Variants in SLC2A7 observed in about 807,000 individuals in gnomAD.
The protein encoded by SLC2A7 is solute carrier family 2, facilitated glucose transporter member 7.
A neutral mutation model predicts 50.5 loss-of-function variants in SLC2A7; 50 were observed. The observed-to-expected ratio is 0.99, with a 90% CI of 0.79 to 1.25. SLC2A7 has a LOEUF of 1.25. Among genes scored for constraint, SLC2A7 ranks in the 50% most tolerant of loss-of-function variants. The probability of loss-of-function intolerance (pLI) is 0.00; values close to 1 mark genes in which losing one functional copy is unlikely to be tolerated. For missense variants in SLC2A7, 683 were observed against 679.1 expected, an observed-to-expected ratio of 1.01 and a Z score of -0.06; for synonymous variants, 308 against 300.4, an observed-to-expected ratio of 1.03 and a Z score of -0.26.
Position 9,008,741 on chromosome 1 carries a change from C to CGT in SLC2A7, c.1117-1357_1117-1356insAC, listed in dbSNP as rs1640697117. 2.0e-5 allele frequency among the ~76,000 whole-genome samples: 3 copies of CGT among 151,880 alleles called. No individual in the cohort carries two copies. Among genetic ancestry groups the CGT allele is most frequent in the Non-Finnish European group, 4.4e-5 (3 of 67,968 alleles). On this transcript the variant is annotated intron_variant, in intron 9 of 11. Transcript: ENST00000400906. The surrounding 1 kb of genome is among the most constrained non-coding windows in gnomAD (Gnocchi z 5.9). Reference sequence around the variant, plus strand: ...CCTCCCGAGTAACTGGGATTACAGGCACACGCCACCACACCCGACTAAATT... The same window carrying CGT: ...CCTCCCGAGTAACTGGGATTACAGGCGTACACGCCACCACACCCGACTAAATT...
chr1:9,018,501 C>T lies in SLC2A7; in HGVS notation c.437-126G>A, dbSNP rs540968308. 2.5e-4 allele frequency: 336 copies of T among 1,320,626 alleles called. 1 individual carries two copies. In the South Asian group the frequency reaches 3.9e-3, roughly 15 times the overall value. 81.8% of individuals were successfully genotyped at this position (1,320,626 alleles called of 1,614,324 possible). A position where few individuals can be genotyped will look rare whatever the true frequency, so the allele number is the denominator to read the frequency against. ...TCAGCCCCTCCGTGGAGATGGAGCT[C>T]GGCCAACCTCGACTGTTTAGTTTGG... On this transcript the variant is annotated intron_variant, in intron 4 of 11. Transcript: ENST00000400906.
rs188746230 is a variant in SLC2A7 at position 9,022,646 on chromosome 1, A to G, written c.311+272T>C. Among the ~76,000 whole-genome samples, 5 of 149,086 alleles carry G rather than the reference A, an allele frequency of 3.4e-5. No homozygotes were observed. In the East Asian group the frequency reaches 1.0e-3, roughly 30 times the overall value. ...GAAGTGCTTACAAGGCACTAAGCTA[A>G]GCACCGTCAAGAACCTTGATCTCAA... On this transcript the variant is annotated intron_variant, in intron 3 of 11. Transcript: ENST00000400906.
intron 11 of SLC2A7, 54 bp from the exon 12 acceptor site, chr1:9,003,572 A>C: frequency 6.5e-7 from 1 of 1,534,322 alleles, no homozygotes; most frequent in Admixed American, 1.7e-5. Context: ...AACAGTGCTG[A>C]TTCAGCTGAG....
chr1:9,018,401 G>C, intron 4 of SLC2A7, 26 bp from the exon 5 acceptor site: 3 of 1,613,018 alleles, frequency 1.9e-6, no homozygotes, highest in Non-Finnish European at 2.5e-6. Flanking sequence ...CAGAAATCAG[G>C]GCAGGCAAAC....
In SLC2A7 at chr1:9,008,441, C is replaced by T. The variant is rs1314730560; in HGVS notation, c.1117-1056G>A. Among the ~76,000 whole-genome samples, 1 of 152,182 alleles carries T rather than the reference C, an allele frequency of 6.6e-6. No homozygotes were observed. Among genetic ancestry groups the T allele is most frequent in the African/African-American group, 2.4e-5 (1 of 41,438 alleles). On this transcript the variant is annotated intron_variant, in intron 9 of 11. Transcript: ENST00000400906. This position sits in a 1 kb window ranked among gnomAD's most constrained non-coding sequence, Gnocchi z 5.9. ...AAGCGAGCAGCTGCTGCTGCATTTTCAGGCAGAGCCCCTGGTTGGACAGAA... is the reference window on the plus strand; with the variant it reads ...AAGCGAGCAGCTGCTGCTGCATTTTTAGGCAGAGCCCCTGGTTGGACAGAA...
intron 8 of SLC2A7, among the ~76,000 whole-genome samples, chr1:9,013,053 G>C (rs770958951): frequency 3.3e-5 from 5 of 152,074 alleles, no homozygotes; most frequent in African/African-American, 4.8e-5. Flanking sequence ...ACCATGCCCA[G>C]CTCATTTTTG....
chr1:9,003,176 T>G lies in SLC2A7; in HGVS notation c.*124A>C. On this transcript the variant is annotated 3_prime_UTR_variant, in exon 12 of 12. Transcript: ENST00000400906. ...GTGGGTATTTAATAATATCCATAAT[T>G]AAGTTAAATGGGGGCAACGACAAAA... 1 of 761,406 alleles carries G rather than the reference T, an allele frequency of 1.3e-6. No individual in the cohort carries two copies. The highest frequency in any genetic ancestry group is 2.1e-6 in the Non-Finnish European group (1 of 470,686). The allele number at this position is 761,406 out of a possible 1,614,324, so 47.2% of individuals were successfully genotyped here. A position where few individuals can be genotyped will look rare whatever the true frequency, so the allele number is the denominator to read the frequency against.
chr1:9,021,670 A>G (rs1276225375), intron 3 of SLC2A7, among the ~76,000 whole-genome samples: 1 of 152,194 alleles, frequency 6.6e-6, no homozygotes, highest in Non-Finnish European at 1.5e-5. Context: ...CAGCCACCAG[A>G]GCACATCCCC....
the SLC2A7 span, among the ~76,000 whole-genome samples, chr1:8,993,156 A>G: frequency 6.6e-6 from 1 of 152,250 alleles, no homozygotes; most frequent in Non-Finnish European, 1.5e-5. Context: ...CACGGATGTC[A>G]GCAGGCAAAG....
At chr1:9,001,167 G>A (rs926745353), downstream of SLC2A7, among the ~76,000 whole-genome samples, 7 of 152,132 alleles carry the variant, frequency 4.6e-5, no homozygotes, top group East Asian at 1.9e-4. Context: ...AGGACCTCCC[G>A]CTGGACAGGA....
chr1:9,011,765 T>TC (rs1292799467), intron 8 of SLC2A7, among the ~76,000 whole-genome samples: 34 of 145,380 alleles, frequency 2.3e-4, no homozygotes, highest in African/African-American at 8.7e-4. Context: ...TTTTTTTTTT[T>TC]TTTTGGTGGA....
At chr1:9,023,835 CTTCTTTTTTTTTTTTTTTTTTTTTTT>C (rs1248055315) in intron 2 of SLC2A7, among the ~76,000 whole-genome samples, 1 of 65,982 alleles carries the variant, frequency 1.5e-5, no homozygotes, top group Non-Finnish European at 2.9e-5. Flanking sequence ...AAATATTCTT[CTTCTTTTTTTTTTTTTTTTTTTTTTT>C]TTTTTTTTTT....
At chr1:9,024,867 C>A in intron 2 of SLC2A7, 109 bp downstream of exon 2, 2 of 1,261,090 alleles carry the variant, frequency 1.6e-6, no homozygotes, top group South Asian at 1.3e-5. Context: ...CAAGATGGTG[C>A]CTCCTACAGG....
Position 9,003,240 on chromosome 1 carries a change from G to A in SLC2A7, c.*60C>T. On this transcript the variant is annotated 3_prime_UTR_variant, in exon 12 of 12. Coordinates refer to ENST00000400906, the MANE Select transcript of SLC2A7 (RefSeq NM_207420.3). ...TATCCTCCCCAGAGCCTGGGGCCGG[G>A]AGGCCCATTGTCATAGAAGGAAGCC... is the stretch of plus-strand genomic sequence containing the variant. 4 of 1,507,598 alleles carry A rather than the reference G, an allele frequency of 2.7e-6. No homozygotes were observed. The highest frequency in any genetic ancestry group is 2.7e-6 in the Non-Finnish European group (3 of 1,095,966). The allele number at this position is 1,507,598 out of a possible 1,614,324, so 93.4% of individuals were successfully genotyped here.
Position 9,007,298 on chromosome 1 carries a change from G to C in SLC2A7, c.1192+12C>G. On this transcript the variant is annotated intron_variant, in intron 10 of 11. Coordinates refer to ENST00000400906, the MANE Select transcript of SLC2A7 (RefSeq NM_207420.3). ...AGGATGGCCGGGGCGAGGGAGGCGTGCAGGTACTCACTGGGCCCAATGGAA... is the reference window on the plus strand; with the variant it reads ...AGGATGGCCGGGGCGAGGGAGGCGTCCAGGTACTCACTGGGCCCAATGGAA... 1.2e-6 allele frequency: 2 copies of C among 1,614,116 alleles called. No individual in the cohort carries two copies. The highest frequency in any genetic ancestry group is 1.6e-4 in the Middle Eastern group (1 of 6,062).
rs562059337 is a variant in SLC2A7 at position 9,008,412 on chromosome 1, T to C, written c.1117-1027A>G. ...GTTGGTGGGGCCGCCCTGGACCCGG[T>C]GTGAAGCGAGCAGCTGCTGCTGCAT... On this transcript the variant is annotated intron_variant, in intron 9 of 11. Transcript: ENST00000400906. The surrounding 1 kb of genome is among the most constrained non-coding windows in gnomAD (Gnocchi z 5.9). Among the ~76,000 whole-genome samples, 2 of 152,188 alleles carry C rather than the reference T, an allele frequency of 1.3e-5. No individual in the cohort carries two copies. The highest frequency in any genetic ancestry group is 4.8e-5 in the African/African-American group (2 of 41,532).
chr1:9,020,673 C>CTTTTTTTTTTTTTTTTTTTT (rs201609038), intron 3 of SLC2A7, among the ~76,000 whole-genome samples: 1 of 138,346 alleles, frequency 7.2e-6, no homozygotes, highest in Non-Finnish European at 1.5e-5. Flanking sequence ...CTGATATTCT[C>CTTTTTTTTTTTTTTTTTTTT]TCTTTTTTTT....
intron 3 of SLC2A7, among the ~76,000 whole-genome samples, chr1:9,020,194 A>G (rs1640891549): frequency 1.3e-5 from 2 of 152,140 alleles, no homozygotes; most frequent in African/African-American, 2.4e-5. Context: ...GGAGGGGAGC[A>G]TTCTAACGAT....
rs182132282 is a variant in SLC2A7 at position 9,017,561 on chromosome 1, G to A, written c.589+662C>T. 3.9e-5 allele frequency among the ~76,000 whole-genome samples: 6 copies of A among 152,242 alleles called. No individual in the cohort carries two copies. The East Asian group carries it at 7.7e-4, about 20-fold the overall frequency. On this transcript the variant is annotated intron_variant, in intron 5 of 11. Coordinates refer to ENST00000400906, the MANE Select transcript of SLC2A7 (RefSeq NM_207420.3). The stretch of plus-strand genomic sequence containing the variant: ...TTTTTGTCCAATGCTATTTCTACTC[G>A]GCTGTCCGTACTCTGTTGAGCCTGG...
Sources: allele counts gnomAD v4.1 joint callset (sites outside exome capture counted in the v4.1 genomes callset), GRCh38; gene constraint gnomAD v4.1.1; non-coding constraint Gnocchi (gnomAD v3.1); transcripts MANE v1.5; gene names NCBI Gene and HGNC (gene_info 2026-07-23, HGNC 2026-07-21).